Variants in MAP2K6 observed in about 807,000 individuals in gnomAD.
The protein encoded by MAP2K6 is mitogen-activated protein kinase kinase 6, also known as dual specificity mitogen-activated protein kinase kinase 6.
A neutral mutation model predicts 53.7 loss-of-function variants in MAP2K6; 16 were observed. The ratio of observed to expected loss-of-function variants is 0.30; its 90% CI spans 0.20 to 0.45. MAP2K6 has a LOEUF of 0.45. Among genes scored for constraint, MAP2K6 ranks in the 20% least tolerant of loss-of-function variants. The pLI is 1.00. For synonymous variants in MAP2K6, 132 were observed against 143.1 expected (o/e 0.92, Z 0.55); for missense variants, 204 against 411.9 (o/e 0.50, Z 4.37).
chr17:69,484,397 G>C (rs1415913121), intron 1 of MAP2K6, among the ~76,000 whole-genome samples: 1 of 151,918 alleles, frequency 6.6e-6, no homozygotes, highest in Non-Finnish European at 1.5e-5. Context: ...TCACATCTAG[G>C]ATGACAATTG....
At chr17:69,499,800 G>A (rs1288035060) in intron 1 of MAP2K6, among the ~76,000 whole-genome samples, 2 of 152,162 alleles carry the variant, frequency 1.3e-5, no homozygotes, top group African/African-American at 4.8e-5. Context: ...AAAGGTTTGC[G>A]GGAAATGAGT....
At chr17:69,472,978 A>T (rs535018491) in intron 1 of MAP2K6, among the ~76,000 whole-genome samples, 10 of 152,208 alleles carry the variant, frequency 6.6e-5, no homozygotes, top group Non-Finnish European at 1.3e-4. Flanking sequence ...AAGTGCTGGG[A>T]TTACAAGCGT....
Position 69,550,478 on chromosome 17 carries a change from T to C in MAP2K6, c.*8725T>C, listed in dbSNP as rs566346427. On this transcript the variant is annotated 3_prime_UTR_variant, in exon 12 of 12. Coordinates refer to ENST00000590474, the MANE Select transcript of MAP2K6 (RefSeq NM_002758.4). ...AAATACACTACAGGTCTTCACCAGA[T>C]GAACTAGATTTTATAATTTTAAAAT... 65 of 152,348 alleles carry C rather than the reference T, an allele frequency of 4.3e-4. No individual in the cohort carries two copies. Among genetic ancestry groups the C allele is most frequent in the African/African-American group, 1.4e-3 (60 of 41,590 alleles). 9.4% of individuals were successfully genotyped at this position (152,348 alleles called of 1,614,324 possible).
At chr17:69,500,460 A>G (rs1909114615) in intron 1 of MAP2K6, among the ~76,000 whole-genome samples, 1 of 149,216 alleles carries the variant, frequency 6.7e-6, no homozygotes, top group Non-Finnish European at 1.5e-5. Flanking sequence ...AAAAAAAAAA[A>G]AAAAAAAAAA....
At chr17:69,472,317 G>A (rs542971929) in intron 1 of MAP2K6, among the ~76,000 whole-genome samples, 2 of 152,090 alleles carry the variant, frequency 1.3e-5, no homozygotes, top group South Asian at 4.1e-4. Context: ...AAATAAATAT[G>A]CATCGTTATA....
At chr17:69,460,189 TC>T (rs1288030474) in intron 1 of MAP2K6, among the ~76,000 whole-genome samples, 1 of 152,054 alleles carries the variant, frequency 6.6e-6, no homozygotes, top group Non-Finnish European at 1.5e-5. Context: ...AGTCCTGTCA[TC>T]AAATAAACAT....
At chr17:69,442,155 A>C (rs915743823) in intron 1 of MAP2K6, among the ~76,000 whole-genome samples, 4 of 152,186 alleles carry the variant, frequency 2.6e-5, no homozygotes, top group African/African-American at 9.7e-5. Flanking sequence ...TTTTATAAAC[A>C]CAGTGCTATT....
At chr17:69,434,897 G>T (rs1326071452) in intron 1 of MAP2K6, 1 of 152,002 alleles carries the variant, frequency 6.6e-6, no homozygotes, top group Non-Finnish European at 1.5e-5. Flanking sequence ...ATTATTTAAA[G>T]AATTACCTAA....
chr17:69,435,354 G>A (rs1447987271), intron 1 of MAP2K6: 1 of 152,028 alleles, frequency 6.6e-6, no homozygotes, highest in East Asian at 1.9e-4. Context: ...GGCCAATATG[G>A]TGAAACCCCG....
intron 1 of MAP2K6, chr17:69,501,648 G>T (rs943231210): frequency 6.6e-6 from 1 of 152,136 alleles, no homozygotes; most frequent in African/African-American, 2.4e-5. Context: ...GGGTAACAGG[G>T]TCTGATGCAA....
intron 1 of MAP2K6, among the ~76,000 whole-genome samples, chr17:69,472,141 A>G (rs1174777283): frequency 6.6e-6 from 1 of 152,174 alleles, no homozygotes; most frequent in Non-Finnish European, 1.5e-5. Flanking sequence ...TAAAGAGCCA[A>G]ACATATTCAC....
chr17:69,495,098 TAAAAAA>T (rs33953795), intron 1 of MAP2K6, among the ~76,000 whole-genome samples: 1 of 136,252 alleles, frequency 7.3e-6, no homozygotes, highest in Non-Finnish European at 1.6e-5. Flanking sequence ...TACTTCCACA[TAAAAAA>T]AAAAAAAAAA....
intron 1 of MAP2K6, among the ~76,000 whole-genome samples, chr17:69,453,343 A>G (rs939299244): frequency 2.0e-5 from 3 of 152,218 alleles, no homozygotes; most frequent in Non-Finnish European, 4.4e-5. Flanking sequence ...AAATGAATCC[A>G]AGTGCTGCAT....
chr17:69,520,756 G>T (rs971588563), intron 6 of MAP2K6: 10 of 392,614 alleles, frequency 2.5e-5, no homozygotes, highest in Non-Finnish European at 4.5e-5. Context: ...ATAGAAAGAA[G>T]GTCTTCTACC....
At chr17:69,416,108 A>C (rs1905890867) in intron 1 of MAP2K6, among the ~76,000 whole-genome samples, 1 of 152,148 alleles carries the variant, frequency 6.6e-6, no homozygotes, top group Non-Finnish European at 1.5e-5. Context: ...GAGGTGTTAG[A>C]TACTATTGAA....
At chr17:69,462,241 G>C (rs1449827193) in intron 1 of MAP2K6, among the ~76,000 whole-genome samples, 1 of 152,116 alleles carries the variant, frequency 6.6e-6, no homozygotes, top group African/African-American at 2.4e-5. Context: ...GGACAGGTTA[G>C]CACCTCCTCT....
chr17:69,464,456 A>T (rs551879636), intron 1 of MAP2K6, among the ~76,000 whole-genome samples: 19 of 152,252 alleles, frequency 1.2e-4, no homozygotes, highest in Admixed American at 1.1e-3. Flanking sequence ...ATTTCAGCTC[A>T]CTTCAATCTC....
At chr17:69,476,100 A>G (rs1173303343) in intron 1 of MAP2K6, among the ~76,000 whole-genome samples, 1 of 152,204 alleles carries the variant, frequency 6.6e-6, no homozygotes, top group Non-Finnish European at 1.5e-5. Context: ...TTTCTAAAAT[A>G]TGCAAGTGAA....
chr17:69,484,254 A>T (rs1419159788), intron 1 of MAP2K6, among the ~76,000 whole-genome samples: 1 of 152,050 alleles, frequency 6.6e-6, no homozygotes, highest in Non-Finnish European at 1.5e-5. Flanking sequence ...AAAGATAACT[A>T]AAAAAATGAG....
Sources: gnomAD v4.1 joint callset for allele counts (sites outside exome capture counted in the v4.1 genomes callset) on GRCh38, gnomAD v4.1.1 for gene constraint, MANE v1.5 for transcripts, NCBI Gene and HGNC (gene_info 2026-07-23, HGNC 2026-07-21) for gene names.